NRXN3: variants seen among roughly 807,000 people sequenced by gnomAD.
NRXN3 encodes neurexin 3.
NRXN3 carries 32 observed loss-of-function variants against 137.6 expected under a neutral mutation model. The observed-to-expected ratio is 0.23, with a 90% CI of 0.18 to 0.31. The LOEUF (loss-of-function observed/expected upper bound fraction) is 0.31, where lower values mean the gene tolerates loss of function less well. NRXN3 is among the 10% of genes least tolerant of loss of function. The pLI is 1.00. For synonymous variants in NRXN3, 798 were observed against 784.5 expected (o/e 1.02, Z -0.29); for missense variants, 1,574 against 2,062.5 (o/e 0.76, Z 4.59).
At position 79,864,728 on chromosome 14, in the gene NRXN3, GT is replaced by G. The variant is rs1269782532; in HGVS notation, c.*2769del. On this transcript the variant is annotated 3_prime_UTR_variant, in exon 21 of 21. Coordinates refer to ENST00000335750, the MANE Select transcript of NRXN3 (RefSeq NM_001330195.2). ...TTGGATACTATGGTTTTGTTTGTTTGTTTTTGTTTTTTGTTTTTCGTTTTTT... is the reference window on the plus strand; with the variant it reads ...TTGGATACTATGGTTTTGTTTGTTTGTTTTGTTTTTTGTTTTTCGTTTTTT... 2 of 151,894 alleles carry G rather than the reference GT, an allele frequency of 1.3e-5. No individual in the cohort carries two copies. Among genetic ancestry groups the G allele is most frequent in the East Asian group, 3.9e-4 (2 of 5,180 alleles). The allele number at this position is 151,894 out of a possible 1,614,324, so 9.4% of individuals were successfully genotyped here.
chr14:78,584,807 C>T (rs2097044678), intron 4 of NRXN3, among the ~76,000 whole-genome samples: 1 of 152,226 alleles, frequency 6.6e-6, no homozygotes, highest in South Asian at 2.1e-4. Context: ...AATCATCCAT[C>T]ATTTGTGTAA....
chr14:79,007,447 A>T (rs1457498685), intron 15 of NRXN3, among the ~76,000 whole-genome samples: 3 of 140,720 alleles, frequency 2.1e-5, no homozygotes, highest in Admixed American at 7.6e-5. Flanking sequence ...TGAAAAAAAA[A>T]AGTCATGAAC....
At chr14:78,656,752 G>A (rs2097787281) in intron 6 of NRXN3, among the ~76,000 whole-genome samples, 2 of 152,074 alleles carry the variant, frequency 1.3e-5, no homozygotes, top group South Asian at 2.1e-4. Flanking sequence ...GATAGAAATG[G>A]TGGTCCCTCG....
chr14:79,265,578 G>A (rs1442196812), intron 15 of NRXN3, among the ~76,000 whole-genome samples: 2 of 152,182 alleles, frequency 1.3e-5, no homozygotes, highest in African/African-American at 2.4e-5. Flanking sequence ...TGAGTTAGCA[G>A]TGTTACAGAC....
intron 4 of NRXN3, among the ~76,000 whole-genome samples, chr14:78,503,237 T>G (rs1384172883): frequency 6.6e-6 from 1 of 152,182 alleles, no homozygotes; most frequent in African/African-American, 2.4e-5. Context: ...AGGTTATTTT[T>G]AAAAAGCTAC....
intron 4 of NRXN3, among the ~76,000 whole-genome samples, chr14:78,636,776 G>A (rs1333136669): frequency 6.6e-6 from 1 of 152,166 alleles, no homozygotes; most frequent in Admixed American, 6.5e-5. Context: ...TATTGTAAGT[G>A]GGAAGACAGG....
At chr14:78,621,168 AGCTCT>A (rs1269524567) in intron 4 of NRXN3, among the ~76,000 whole-genome samples, 3 of 152,176 alleles carry the variant, frequency 2.0e-5, no homozygotes, top group African/African-American at 7.2e-5. Context: ...ATTTTGATGA[AGCTCT>A]GTTGGCTCTT....
chr14:78,235,609 AGT>A (rs1567039416), intron 1 of NRXN3, among the ~76,000 whole-genome samples: 3 of 151,624 alleles, frequency 2.0e-5, no homozygotes, highest in African/African-American at 7.3e-5. Flanking sequence ...AAAAAAAAAA[AGT>A]GTTATAGTTA....
At chr14:79,320,529 C>T (rs926828389) in intron 15 of NRXN3, among the ~76,000 whole-genome samples, 1 of 152,124 alleles carries the variant, frequency 6.6e-6, no homozygotes, top group Non-Finnish European at 1.5e-5. Flanking sequence ...GTGAATAGTG[C>T]CTGTTTTGTA....
At chr14:79,300,170 T>G (rs2084902101) in intron 15 of NRXN3, among the ~76,000 whole-genome samples, 1 of 152,032 alleles carries the variant, frequency 6.6e-6, no homozygotes, top group African/African-American at 2.4e-5. Context: ...TCATCCTCAA[T>G]GACATTCAAA....
intron 15 of NRXN3, among the ~76,000 whole-genome samples, chr14:79,448,537 T>A (rs1055790738): frequency 4.6e-5 from 7 of 152,200 alleles, no homozygotes; most frequent in Non-Finnish European, 8.8e-5. Flanking sequence ...GTGAATGTAT[T>A]GACTAATTTA....
chr14:79,327,713 C>A (rs1006836982), intron 15 of NRXN3, among the ~76,000 whole-genome samples: 1 of 152,068 alleles, frequency 6.6e-6, no homozygotes, highest in African/African-American at 2.4e-5. Flanking sequence ...ATGATTAATC[C>A]CATTTACCTT....
chr14:79,348,380 T>C (rs575877101), intron 15 of NRXN3, among the ~76,000 whole-genome samples: 91 of 146,238 alleles, frequency 6.2e-4, no homozygotes, highest in African/African-American at 2.2e-3. Context: ...TCTTCTCTCT[T>C]TTTTTTTTTT....
At chr14:78,860,583 G>A (rs1273558378) in intron 10 of NRXN3, among the ~76,000 whole-genome samples, 2 of 151,982 alleles carry the variant, frequency 1.3e-5, no homozygotes, top group Non-Finnish European at 2.9e-5. Flanking sequence ...CAACTAGGAT[G>A]CATTTTTTAA....
intron 15 of NRXN3, among the ~76,000 whole-genome samples, chr14:79,088,647 A>T (rs2048594313): frequency 1.3e-5 from 2 of 152,164 alleles, no homozygotes; most frequent in Admixed American, 1.3e-4. Context: ...GTTAGAATAT[A>T]TTCAAAGTTT....
At chr14:79,554,786 T>C (rs2097412011) in intron 16 of NRXN3, among the ~76,000 whole-genome samples, 1 of 152,176 alleles carries the variant, frequency 6.6e-6, no homozygotes, top group Non-Finnish European at 1.5e-5. Context: ...GCACCCCATT[T>C]TTACTTTATT....
intron 1 of NRXN3, among the ~76,000 whole-genome samples, chr14:78,180,364 A>G (rs1369962175): frequency 6.6e-6 from 1 of 152,240 alleles, no homozygotes; most frequent in Non-Finnish European, 1.5e-5. Flanking sequence ...AAAATGAAGC[A>G]TCCAGTAGTA....
chr14:78,874,168 C>T (rs1328171249), intron 10 of NRXN3, among the ~76,000 whole-genome samples: 1 of 151,974 alleles, frequency 6.6e-6, no homozygotes, highest in Non-Finnish European at 1.5e-5. Flanking sequence ...GATAGGATAT[C>T]ACCATGTTGG....
chr14:78,905,494 G>A (rs2099213104), intron 10 of NRXN3, among the ~76,000 whole-genome samples: 1 of 151,878 alleles, frequency 6.6e-6, no homozygotes, highest in Non-Finnish European at 1.5e-5. Flanking sequence ...TTTGATCTTG[G>A]TAAATGTAAT....
Sources: allele counts gnomAD v4.1 joint callset (sites outside exome capture counted in the v4.1 genomes callset), GRCh38; gene constraint gnomAD v4.1.1; transcripts MANE v1.5; gene names NCBI Gene and HGNC (gene_info 2026-07-23, HGNC 2026-07-21).